The following EHBP1 variants were observed in gnomAD, a reference collection of about 807,000 sequenced individuals.
The protein encoded by EHBP1 is EH domain-binding protein 1.
A neutral mutation model predicts 144.0 loss-of-function variants in EHBP1; 55 were observed. That is an observed-to-expected ratio of 0.38 (90% CI 0.31 to 0.48). EHBP1 has a LOEUF of 0.48. Among genes scored for constraint, EHBP1 ranks in the 20% least tolerant of loss-of-function variants. EHBP1 has a pLI of 0.98. For missense variants in EHBP1, 1,200 were observed against 1,364.2 expected, an observed-to-expected ratio of 0.88 and a Z score of 1.90; for synonymous variants, 469 against 472.7, an observed-to-expected ratio of 0.99 and a Z score of 0.10.
chr2:62,966,717 A>C (rs941856555), intron 14 of EHBP1, among the ~76,000 whole-genome samples: 2 of 152,210 alleles, frequency 1.3e-5, no homozygotes, highest in Non-Finnish European at 2.9e-5. Flanking sequence ...AATAGGAACT[A>C]TCATTTCCCA....
chr2:62,925,091 A>C (rs2055390986), intron 10 of EHBP1, among the ~76,000 whole-genome samples: 1 of 152,260 alleles, frequency 6.6e-6, no homozygotes, highest in South Asian at 2.1e-4. Flanking sequence ...TCACATCCAT[A>C]GAATAAAGGA....
At chr2:62,777,710 T>C (rs1294549938) in intron 5 of EHBP1, among the ~76,000 whole-genome samples, 1 of 152,102 alleles carries the variant, frequency 6.6e-6, no homozygotes. Context: ...GCTTATAAAG[T>C]AGTGAAGTGT....
At chr2:62,929,642 A>G (rs1161806357) in intron 10 of EHBP1, among the ~76,000 whole-genome samples, 8 of 152,224 alleles carry the variant, frequency 5.3e-5, no homozygotes, top group Admixed American at 2.0e-4. Context: ...AAAGACTTCT[A>G]TGATCAAGAA....
intron 10 of EHBP1, among the ~76,000 whole-genome samples, chr2:62,924,868 T>A (rs1269599795): frequency 6.6e-6 from 1 of 152,120 alleles, no homozygotes; most frequent in African/African-American, 2.4e-5. Context: ...AGCATAACAT[T>A]GACATCAAAA....
At chr2:62,971,940 C>T (rs1478058395) in intron 14 of EHBP1, among the ~76,000 whole-genome samples, 2 of 152,138 alleles carry the variant, frequency 1.3e-5, no homozygotes, top group Non-Finnish European at 2.9e-5. Context: ...AGGTGAATGT[C>T]ATCAGACCCT....
intron 10 of EHBP1, among the ~76,000 whole-genome samples, chr2:62,889,669 C>T (rs1383219048): frequency 1.3e-5 from 2 of 152,154 alleles, no homozygotes; most frequent in East Asian, 3.9e-4. Context: ...TTCTCCATTG[C>T]TTATTTTTGT....
At chr2:62,871,310 T>C (rs1396595107) in intron 9 of EHBP1, among the ~76,000 whole-genome samples, 1 of 152,220 alleles carries the variant, frequency 6.6e-6, no homozygotes, top group Non-Finnish European at 1.5e-5. Context: ...ATCAGAATCA[T>C]TGGGTGTTTC....
At chr2:62,865,239 A>T (rs982664828) in intron 9 of EHBP1, among the ~76,000 whole-genome samples, 1 of 152,200 alleles carries the variant, frequency 6.6e-6, no homozygotes, top group Non-Finnish European at 1.5e-5. Context: ...CTTCTCACAG[A>T]AACTATATTA....
intron 7 of EHBP1, among the ~76,000 whole-genome samples, chr2:62,833,084 A>G (rs2046945873): frequency 6.6e-6 from 1 of 152,238 alleles, no homozygotes; most frequent in Non-Finnish European, 1.5e-5. Context: ...GCTGATACAG[A>G]GAAAGCTTTA....
chr2:62,715,071 G>T (rs149245553), intron 2 of EHBP1, among the ~76,000 whole-genome samples: 2 of 152,054 alleles, frequency 1.3e-5, no homozygotes, highest in African/African-American at 4.8e-5. Flanking sequence ...CTGTGTGTTC[G>T]TATGTGTCCT....
chr2:62,905,658 C>G (rs572180353), intron 10 of EHBP1, among the ~76,000 whole-genome samples: 1 of 151,992 alleles, frequency 6.6e-6, no homozygotes, highest in African/African-American at 2.4e-5. Flanking sequence ...AACCCCATCT[C>G]TACAAAAATA....
intron 5 of EHBP1, among the ~76,000 whole-genome samples, chr2:62,783,739 C>T (rs2042616984): frequency 6.6e-6 from 1 of 152,054 alleles, no homozygotes; most frequent in African/African-American, 2.4e-5. Flanking sequence ...CCCTTCCAGG[C>T]CTCCTGGCCT....
intron 3 of EHBP1, among the ~76,000 whole-genome samples, chr2:62,748,163 G>A (rs112523415): frequency 6.8e-4 from 104 of 152,196 alleles, no homozygotes; most frequent in African/African-American, 2.3e-3. Flanking sequence ...TTGTACCTAA[G>A]ATTAATTTAT....
intron 2 of EHBP1, among the ~76,000 whole-genome samples, chr2:62,715,150 T>C (rs1448797401): frequency 6.6e-6 from 1 of 152,234 alleles, no homozygotes; most frequent in Non-Finnish European, 1.5e-5. Context: ...AGTCTTGCTC[T>C]GTCACCCAGG....
chr2:63,031,841 A>G (rs1434815869), intron 19 of EHBP1, among the ~76,000 whole-genome samples: 1 of 152,134 alleles, frequency 6.6e-6, no homozygotes, highest in Non-Finnish European at 1.5e-5. Context: ...AGGCCAGAGA[A>G]TCGTTTGAAC....
At chr2:62,922,220 G>A (rs1248131465) in intron 10 of EHBP1, among the ~76,000 whole-genome samples, 1 of 152,164 alleles carries the variant, frequency 6.6e-6, no homozygotes, top group African/African-American at 2.4e-5. Flanking sequence ...CAGTATTAAA[G>A]GTCTTTGTCC....
intron 19 of EHBP1, among the ~76,000 whole-genome samples, chr2:63,010,916 G>C (rs1282758992): frequency 1.3e-5 from 2 of 151,466 alleles, no homozygotes; most frequent in Non-Finnish European, 3.0e-5. Flanking sequence ...CCAAATTCTA[G>C]AACATTTCTT....
chr2:62,697,082 G>C (rs892352771), intron 1 of EHBP1, among the ~76,000 whole-genome samples: 9 of 152,124 alleles, frequency 5.9e-5, no homozygotes, highest in Non-Finnish European at 1.0e-4. Flanking sequence ...GTGAGCTCAA[G>C]GGAATATGTT....
intron 9 of EHBP1, 48 bp from the exon 10 acceptor site, chr2:62,874,298 T>C: frequency 7.3e-7 from 1 of 1,376,462 alleles, no homozygotes; most frequent in Non-Finnish European, 9.8e-7. Flanking sequence ...TACTTGTAAA[T>C]GAACTATTTT....
Sources: gnomAD v4.1 joint callset for allele counts (sites outside exome capture counted in the v4.1 genomes callset) on GRCh38, gnomAD v4.1.1 for gene constraint, MANE v1.5 for transcripts, NCBI Gene and HGNC (gene_info 2026-07-23, HGNC 2026-07-21) for gene names.